Variants in PHF20L1 observed in about 807,000 individuals in gnomAD.
The protein encoded by PHF20L1 is PHD finger protein 20-like protein 1.
Under a neutral mutation model 125.5 loss-of-function variants are expected in PHF20L1, and 44 were observed. The observed-to-expected ratio is 0.35, with a 90% CI of 0.28 to 0.45. The LOEUF (loss-of-function observed/expected upper bound fraction) is 0.45. Among genes scored for constraint, PHF20L1 ranks in the 20% least tolerant of loss-of-function variants. PHF20L1 has a pLI of 1.00. For missense variants in PHF20L1, 1,012 were observed against 1,217.2 expected (o/e 0.83, Z 2.51); for synonymous variants, 380 against 403.1 (o/e 0.94, Z 0.69).
Position 132,814,788 on chromosome 8 carries a change from G to C in PHF20L1, c.1082G>C (p.Gly361Ala). 6.2e-7 allele frequency: 1 copy of C among 1,612,552 alleles called. No individual in the cohort carries two copies. The highest frequency in any genetic ancestry group is 8.5e-7 in the Non-Finnish European group (1 of 1,179,058). Residue 361 changes from glycine to alanine, a missense_variant, in exon 10 of 21, where the codon GGG becomes GCG. Transcript: ENST00000395386. Reference protein sequence around the residue: ...KCKHESGDSSGCIKPPKSPLS... With the variant: ...KCKHESGDSSACIKPPKSPLS... ...AAACATGAATCTGGAGATTCTTCTG[G>C]GTGTATAAAACCCCCTAAATCACCA...
At chr8:132,783,474 A>G (rs1474909271) in intron 2 of PHF20L1, among the ~76,000 whole-genome samples, 2 of 152,204 alleles carry the variant, frequency 1.3e-5, no homozygotes, top group Non-Finnish European at 2.9e-5. Flanking sequence ...CATTTTCTGA[A>G]TAAAAAGTTA....
At chr8:132,795,314 T>C (rs1465831873) in intron 4 of PHF20L1, among the ~76,000 whole-genome samples, 1 of 152,084 alleles carries the variant, frequency 6.6e-6, no homozygotes, top group Non-Finnish European at 1.5e-5. Flanking sequence ...TACAGATAAT[T>C]GAGTTAATTT....
chr8:132,837,862 C>T, intron 17 of PHF20L1, 51 bp downstream of exon 17: 1 of 1,250,866 alleles, frequency 8.0e-7, no homozygotes, highest in Non-Finnish European at 1.2e-6. Context: ...ATGTCTCCTC[C>T]AGGATTCCAG....
chr8:132,792,134 T>A (rs933665838), intron 2 of PHF20L1, among the ~76,000 whole-genome samples: 1 of 152,218 alleles, frequency 6.6e-6, no homozygotes, highest in African/African-American at 2.4e-5. Context: ...CTTATTTTTT[T>A]ATTCAAAATG....
chr8:132,835,615 A>G (rs1257486070), intron 15 of PHF20L1, among the ~76,000 whole-genome samples: 2 of 152,166 alleles, frequency 1.3e-5, no homozygotes, highest in Admixed American at 6.5e-5. Context: ...TCATCCATAT[A>G]GTCTTGTTTC....
chr8:132,787,260 TG>T (rs1007196911), intron 2 of PHF20L1, among the ~76,000 whole-genome samples: 6 of 150,354 alleles, frequency 4.0e-5, no homozygotes, highest in South Asian at 2.1e-4. Flanking sequence ...ATTCAGGTGC[TG>T]GGGGGGTGGG....
Position 132,825,324 on chromosome 8 carries a change from C to T in PHF20L1, c.1697C>T (p.Pro566Leu). Residue 566 changes from proline to leucine, a missense_variant, in exon 14 of 21, where the codon CCA (proline) becomes CTA (leucine). Transcript: ENST00000395386. ...AAGAGAGACAAAGATCACTACAGAC[C>T]AAAACAGAAGAAGAAGAAAAAAAAG... Reference protein sequence around the residue: ...REKRDKDHYRPKQKKKKKKKK... With the variant: ...REKRDKDHYRLKQKKKKKKKK... The T allele has an allele frequency of 6.7e-7, 1 of 1,503,032 alleles. No homozygotes were observed. Among genetic ancestry groups the T allele is most frequent in the Non-Finnish European group, 9.2e-7 (1 of 1,092,152 alleles). 93.1% of individuals were successfully genotyped at this position (1,503,032 alleles called of 1,614,324 possible).
chr8:132,801,014 A>C (rs1832981324), intron 6 of PHF20L1, among the ~76,000 whole-genome samples: 1 of 151,648 alleles, frequency 6.6e-6, no homozygotes, highest in Non-Finnish European at 1.5e-5. Context: ...AATAGCTATG[A>C]AACTGACATA....
intron 18 of PHF20L1, among the ~76,000 whole-genome samples, chr8:132,841,061 T>C (rs757673937): frequency 3.3e-5 from 5 of 152,132 alleles, no homozygotes; most frequent in Non-Finnish European, 5.9e-5. Context: ...TAAAACCTTA[T>C]TTCCTTCTTG....
intron 2 of PHF20L1, among the ~76,000 whole-genome samples, chr8:132,785,865 C>CT (rs1830967370): frequency 6.6e-6 from 1 of 152,008 alleles, no homozygotes; most frequent in African/African-American, 2.4e-5. Flanking sequence ...TCATGATTAG[C>CT]TAGGGTACTG....
chr8:132,825,662 A>G (rs760710503), intron 14 of PHF20L1, among the ~76,000 whole-genome samples: 8 of 152,096 alleles, frequency 5.3e-5, no homozygotes, highest in Non-Finnish European at 1.0e-4. Context: ...TAGCATGCTC[A>G]AGTAATTATT....
chr8:132,782,333 T>C (rs1347538698), intron 2 of PHF20L1, among the ~76,000 whole-genome samples: 3 of 152,252 alleles, frequency 2.0e-5, no homozygotes. Flanking sequence ...GCAGTATTAC[T>C]GGCTTTTATT....
chr8:132,840,380 C>T (rs1366902248), intron 18 of PHF20L1, among the ~76,000 whole-genome samples: 1 of 152,112 alleles, frequency 6.6e-6, no homozygotes, highest in East Asian at 1.9e-4. Flanking sequence ...CAGGTTGTTA[C>T]ATTTCACATG....
At chr8:132,801,815 C>T (rs948718207) in intron 6 of PHF20L1, among the ~76,000 whole-genome samples, 7 of 151,668 alleles carry the variant, frequency 4.6e-5, no homozygotes, top group Admixed American at 4.0e-4. Flanking sequence ...TCTTTAATCA[C>T]AGAGCTACAG....
Position 132,798,832 on chromosome 8 carries a change from A to G in PHF20L1, c.401A>G (p.Lys134Arg). The G allele has an allele frequency of 6.2e-7, 1 of 1,609,494 alleles. No individual in the cohort carries two copies. Among genetic ancestry groups the G allele is most frequent in the Non-Finnish European group, 8.5e-7 (1 of 1,177,126 alleles). The change falls in exon 5 of 21, where the codon AAA becomes AGA. Residue 134 changes from lysine (K) to arginine (R), a missense_variant. Lys to Arg is a conservative substitution (Grantham distance 26, BLOSUM62 2). Coordinates refer to ENST00000395386, the MANE Select transcript of PHF20L1 (RefSeq NM_016018.5). ...VIRCLKRMHI[K>R]AMPEDAKGQV... is the part of the protein sequence containing the mutation. ...CGTTGTTTAAAAAGAATGCACATTA[A>G]AGCCATGCCCGAGGATGCTAAGGGG...
intron 17 of PHF20L1, 161 bp from the exon 18 acceptor site, chr8:132,839,226 T>C (rs766256194): frequency 1.7e-6 from 1 of 604,264 alleles, no homozygotes; most frequent in South Asian, 2.1e-5. Context: ...GTGGAGGAGC[T>C]CTTCCTGCAC....
intron 14 of PHF20L1, 42 bp downstream of exon 14, chr8:132,825,413 T>G (rs1019213150): frequency 2.1e-6 from 3 of 1,425,472 alleles, no homozygotes; most frequent in Non-Finnish European, 2.8e-6. Context: ...TTTTAAAATT[T>G]GAAGTTTCCT....
At chr8:132,837,019 C>T (rs1274772796) in intron 16 of PHF20L1, among the ~76,000 whole-genome samples, 1 of 152,176 alleles carries the variant, frequency 6.6e-6, no homozygotes, top group East Asian at 1.9e-4. Context: ...GCTACAGCAA[C>T]CTTTCTCTTC....
At chr8:132,797,938 C>G (rs1030396049) in intron 4 of PHF20L1, among the ~76,000 whole-genome samples, 5 of 152,108 alleles carry the variant, frequency 3.3e-5, no homozygotes, top group Admixed American at 6.6e-5. Context: ...TAGGAAATGA[C>G]AGGAAAACAT....
Sources: allele counts gnomAD v4.1 joint callset (sites outside exome capture counted in the v4.1 genomes callset), GRCh38; gene constraint gnomAD v4.1.1; transcripts MANE v1.5; gene names NCBI Gene and HGNC (gene_info 2026-07-23, HGNC 2026-07-21).